The following CACNA1E variants were observed in gnomAD, a reference collection of about 807,000 sequenced individuals.
CACNA1E encodes the protein calcium voltage-gated channel subunit alpha1 E.
A neutral mutation model predicts 259.2 loss-of-function variants in CACNA1E; 40 were observed. The ratio of observed to expected loss-of-function variants is 0.15; its 90% CI spans 0.12 to 0.20. The LOEUF (loss-of-function observed/expected upper bound fraction) is 0.20. Among genes scored for constraint, CACNA1E ranks in the 10% least tolerant of loss-of-function variants. The pLI, the probability that CACNA1E is intolerant of heterozygous loss-of-function variation, is 1.00. For synonymous variants in CACNA1E, 1,104 were observed against 1,138.5 expected (o/e 0.97, Z 0.61); for missense variants, 1,874 against 3,040.1 (o/e 0.62, Z 9.02).
At chr1:181,511,230 G>T (rs1333917405) in intron 2 of CACNA1E, 141 bp from the exon 3 acceptor site, 1 of 910,998 alleles carries the variant, frequency 1.1e-6, no homozygotes, top group Non-Finnish European at 1.7e-6. Context: ...AGCCTGCAAG[G>T]GTCCCTTAGC....
chr1:181,598,668 A>G (rs1033333412), intron 6 of CACNA1E, among the ~76,000 whole-genome samples: 1 of 152,200 alleles, frequency 6.6e-6, no homozygotes, highest in Non-Finnish European at 1.5e-5. Context: ...ACTTATCTGT[A>G]CATCTTTTTG....
chr1:181,338,455 C>A (rs978268661), intron 1 of CACNA1E, among the ~76,000 whole-genome samples: 1 of 150,612 alleles, frequency 6.6e-6, no homozygotes, highest in African/African-American at 2.4e-5. Flanking sequence ...CACCTCTTGG[C>A]CATCTATGTG....
intron 2 of CACNA1E, among the ~76,000 whole-genome samples, chr1:181,477,296 G>A (rs1231102816): frequency 6.6e-6 from 1 of 152,056 alleles, no homozygotes; most frequent in Non-Finnish European, 1.5e-5. Context: ...TCCCTGCTCT[G>A]TTGTCTCCCA....
At chr1:181,604,318 C>T (rs1003714062) in intron 6 of CACNA1E, among the ~76,000 whole-genome samples, 2 of 152,208 alleles carry the variant, frequency 1.3e-5, no homozygotes, top group South Asian at 2.1e-4. Context: ...CCAGACCCCA[C>T]TTTTAGATAT....
intron 1 of CACNA1E, among the ~76,000 whole-genome samples, chr1:181,356,341 CGTGT>C (rs141071408): frequency 3.6e-4 from 53 of 146,974 alleles, no homozygotes; most frequent in African/African-American, 1.2e-3. Flanking sequence ...GCCTTCTATT[CGTGT>C]GTGTGTGTGT....
At position 181,445,000 on chromosome 1, in the gene CACNA1E, C is replaced by T. The variant is rs980666610; in HGVS notation, c.434+31420C>T. 3.9e-5 allele frequency among the ~76,000 whole-genome samples: 6 copies of T among 152,182 alleles called. No individual in the cohort carries two copies. In the East Asian group the frequency reaches 1.2e-3, roughly 29 times the overall value. ...ACATCTCTGGCTCACTGATGGCATT[C>T]ATGTTTTCCAGTACTAGTTTTAGAT... On this transcript the variant is annotated intron_variant, in intron 2 of 11. Coordinates refer to the CACNA1E transcript ENST00000524607.
Position 181,684,645 on chromosome 1 carries a change from G to T in CACNA1E, c.1056-26309G>T, listed in dbSNP as rs183071002. Among the ~76,000 whole-genome samples, 423 of 152,104 alleles carry T rather than the reference G, an allele frequency of 2.8e-3. 1 individual carries two copies. The highest frequency in any genetic ancestry group is 4.8e-3 in the Non-Finnish European group (323 of 67,954). ...TTAAGTCTTTAATCCATTTTGAGTTGTTTTTTGTGTATGGTGAAAGGAAGG... is the reference window on the plus strand; with the variant it reads ...TTAAGTCTTTAATCCATTTTGAGTTTTTTTTTGTGTATGGTGAAAGGAAGG... On this transcript the variant is annotated intron_variant, in intron 7 of 47. Coordinates refer to ENST00000367573, the MANE Select transcript of CACNA1E (RefSeq NM_001205293.3).
At chr1:181,736,464 A>C (rs1301539570) in intron 22 of CACNA1E, 30 bp downstream of exon 22, 1 of 1,596,862 alleles carries the variant, frequency 6.3e-7, no homozygotes. Context: ...CTCCCTCTTT[A>C]GTGCTAGGGT....
At chr1:181,396,011 G>A (rs979034229) in intron 1 of CACNA1E, among the ~76,000 whole-genome samples, 2 of 152,180 alleles carry the variant, frequency 1.3e-5, no homozygotes, top group Non-Finnish European at 2.9e-5. Context: ...ATGATCTCTT[G>A]CGGGTTGAAA....
chr1:181,732,359 CG>C lies in CACNA1E; in HGVS notation c.2298-23del. 6.7e-7 allele frequency: 1 copy of C among 1,483,032 alleles called. No homozygotes were observed. The highest frequency in any genetic ancestry group is 1.4e-5 in the South Asian group (1 of 71,494). 91.9% of individuals were successfully genotyped at this position (1,483,032 alleles called of 1,614,324 possible). ...GCCTGCAGCTTCTGGGCTCTGACCG[CG>C]GCCCTGCCCTTTCCCCTTGGCAGGA... is the stretch of plus-strand genomic sequence containing the variant. On this transcript the variant is annotated intron_variant, in intron 19 of 47. Transcript: ENST00000367573. This position sits in a 1 kb window ranked among gnomAD's most constrained non-coding sequence, Gnocchi z 5.5.
At chr1:181,425,240 C>G (rs1659077834) in intron 2 of CACNA1E, among the ~76,000 whole-genome samples, 2 of 152,134 alleles carry the variant, frequency 1.3e-5, no homozygotes. Context: ...GAAAGCGAAG[C>G]CAGGAGGAGA....
At chr1:181,542,764 C>A (rs1668693322) in intron 3 of CACNA1E, among the ~76,000 whole-genome samples, 1 of 151,564 alleles carries the variant, frequency 6.6e-6, no homozygotes, top group South Asian at 2.1e-4. Context: ...TGAAATCGGA[C>A]TAATACAGTG....
At chr1:181,362,450 A>G (rs1369153636) in intron 1 of CACNA1E, among the ~76,000 whole-genome samples, 2 of 152,218 alleles carry the variant, frequency 1.3e-5, no homozygotes, top group Non-Finnish European at 2.9e-5. Context: ...TTGTCGGTCC[A>G]TAGGTATGTA....
Position 181,719,943 on chromosome 1 carries a change from CT to C in CACNA1E, c.1751+81del. On this transcript the variant is annotated intron_variant, in intron 13 of 47. Coordinates refer to ENST00000367573, the MANE Select transcript of CACNA1E (RefSeq NM_001205293.3). Reference sequence around the variant, plus strand: ...TCTGCCTTATATTTTCTTCCATCTTCTCTTTCCCCCTTAGGGGGAAAGTATC... The same window carrying C: ...TCTGCCTTATATTTTCTTCCATCTTCCTTTCCCCCTTAGGGGGAAAGTATC... 6.9e-6 allele frequency: 6 copies of C among 863,484 alleles called. No homozygotes were observed. The South Asian group carries it at 1.0e-4, about 15-fold the overall frequency. 53.5% of individuals were successfully genotyped at this position (863,484 alleles called of 1,614,324 possible). A position where few individuals can be genotyped will look rare whatever the true frequency, so the allele number is the denominator to read the frequency against.
At chr1:181,397,690 C>T (rs1386001780) in intron 1 of CACNA1E, among the ~76,000 whole-genome samples, 5 of 152,312 alleles carry the variant, frequency 3.3e-5, no homozygotes, top group South Asian at 2.1e-4. Context: ...GCTACATCAG[C>T]GATGCTTAGA....
rs1668612448 is a variant in CACNA1E at position 181,541,870 on chromosome 1, T to G, written c.512+30360T>G. Among the ~76,000 whole-genome samples the G allele has an allele frequency of 2.0e-5, 3 of 152,210 alleles. No individual in the cohort carries two copies. In the South Asian group the frequency reaches 6.2e-4, roughly 32 times the overall value. On this transcript the variant is annotated intron_variant, in intron 3 of 47. Transcript: ENST00000367573. ...TGATCACTGCTGCTTGGTCTCTATG[T>G]CCTCATGTAGGCCCTTGCTCCCCAC...
intron 3 of CACNA1E, among the ~76,000 whole-genome samples, chr1:181,528,965 G>A (rs1032902367): frequency 3.3e-5 from 5 of 152,206 alleles, no homozygotes; most frequent in Admixed American, 6.5e-5. Context: ...TGCATAAGTA[G>A]CAAGGAGCCT....
At chr1:181,402,486 A>G (rs769207255) in intron 1 of CACNA1E, among the ~76,000 whole-genome samples, 13 of 152,152 alleles carry the variant, frequency 8.5e-5, no homozygotes, top group Non-Finnish European at 1.3e-4. Context: ...TCTTCTTTCC[A>G]TTACCTCTTG....
intron 6 of CACNA1E, among the ~76,000 whole-genome samples, chr1:181,586,383 A>G (rs527599201): frequency 1.3e-5 from 2 of 152,288 alleles, no homozygotes; most frequent in South Asian, 4.2e-4. Context: ...TATAGATGGT[A>G]AAGTATTGAG....
Sources: gnomAD v4.1 joint callset for allele counts (sites outside exome capture counted in the v4.1 genomes callset) on GRCh38, gnomAD v4.1.1 for gene constraint, Gnocchi (gnomAD v3.1) non-coding constraint, MANE v1.5 for transcripts, NCBI Gene and HGNC (gene_info 2026-07-23, HGNC 2026-07-21) for gene names.